The following GAA variants were observed in gnomAD, a reference collection of about 807,000 sequenced individuals.
GAA encodes alpha glucosidase.
In GAA, 88 loss-of-function variants were observed where a neutral mutation model predicts 103.9. The ratio of observed to expected loss-of-function variants is 0.85; its 90% CI spans 0.71 to 1.01. The LOEUF is 1.01. Among genes scored for constraint, GAA ranks in the 50% least tolerant of loss-of-function variants. The pLI, the probability that GAA is intolerant of heterozygous loss-of-function variation, is 0.00. For missense variants in GAA, 1,350 were observed against 1,305.3 expected, an observed-to-expected ratio of 1.03 and a Z score of -0.53; for synonymous variants, 572 against 563.1, an observed-to-expected ratio of 1.02 and a Z score of -0.22.
At chr17:80,113,067 C>A in intron 14 of GAA, 40 bp downstream of exon 14, 1 of 1,576,514 alleles carries the variant, frequency 6.3e-7, no homozygotes, top group East Asian at 2.3e-5. Flanking sequence ...GGCGATCCCA[C>A]CCACCCAAGA....
Position 80,101,689 on chromosome 17 carries a change from G to C in GAA, c.-234G>C, listed in dbSNP as rs1321385016. 1 of 152,164 alleles carries C rather than the reference G, an allele frequency of 6.6e-6. No individual in the cohort carries two copies. The highest frequency in any genetic ancestry group is 2.4e-5 in the African/African-American group (1 of 41,436). The allele number at this position is 152,164 out of a possible 1,614,324, so 9.4% of individuals were successfully genotyped here. A position where few individuals can be genotyped will look rare whatever the true frequency, so the allele number is the denominator to read the frequency against. Reference sequence around the variant, plus strand: ...GGCCGGGTCGGTGGGGCGGTCGGCTGCCCGCGCGGCCTCTCAGTTGGGAAA... The same window carrying C: ...GGCCGGGTCGGTGGGGCGGTCGGCTCCCCGCGCGGCCTCTCAGTTGGGAAA... On this transcript the variant is annotated 5_prime_UTR_variant, in exon 1 of 20. Transcript: ENST00000302262.
intron 2 of GAA, 115 bp downstream of exon 2, chr17:80,105,247 G>C: frequency 9.2e-7 from 1 of 1,084,510 alleles, no homozygotes; most frequent in Non-Finnish European, 1.3e-6. Flanking sequence ...CTGGGCCCTT[G>C]CTGGGAGCGG....
At chr17:80,106,221 T>A (rs2039083951) in intron 3 of GAA, among the ~76,000 whole-genome samples, 1 of 152,216 alleles carries the variant, frequency 6.6e-6, no homozygotes, top group Admixed American at 6.5e-5. Flanking sequence ...TTTCTTTTTT[T>A]GCTCATTCAT....
At position 80,118,764 on chromosome 17, in the gene GAA, G is replaced by T. The variant is rs375021198; in HGVS notation, c.2758G>T (p.Gly920Cys). The T allele has an allele frequency of 3.1e-6, 5 of 1,613,388 alleles. No individual in the cohort carries two copies. The highest frequency in any genetic ancestry group is 3.4e-6 in the Non-Finnish European group (4 of 1,180,038). ...ATAPQQVLSN[G>C]VPVSNFTYSP... is the part of the protein sequence containing the mutation. Reference sequence around the variant, plus strand: ...GGCGCCCCAGCAGGTCCTCTCCAACGGTGTCCCTGTCTCCAACTTCACCTA... The same window carrying T: ...GGCGCCCCAGCAGGTCCTCTCCAACTGTGTCCCTGTCTCCAACTTCACCTA... The change falls in exon 19 of 20, where the codon GGT (glycine) becomes TGT (cysteine). Residue 920 changes from glycine (G) to cysteine (C), a missense_variant. By Grantham distance (159) the Gly-to-Cys change is radical. Transcript: ENST00000302262.
chr17:80,107,537 G>A lies in GAA; in HGVS notation c.693-20G>A, dbSNP rs2039114713. ...TGGCCCCTTGGGTGTGAGCAAGCCT[G>A]GCTGGCCTCTGTCCCGCAGGCTGAA... On this transcript the variant is annotated intron_variant, in intron 3 of 19. Transcript: ENST00000302262. The A allele has an allele frequency of 1.9e-6, 3 of 1,612,818 alleles. No homozygotes were observed.
In GAA at chr17:80,117,908, G is replaced by T. The variant is rs2039393484; in HGVS notation, c.2481+159G>T. On this transcript the variant is annotated intron_variant, in intron 17 of 19. Transcript: ENST00000302262. ...GAGCCAGCCAGGCCAGTGAGGTGGG[G>T]AGGGCACAGCCCCACAAAGGCGTGG... 1.3e-5 allele frequency among the ~76,000 whole-genome samples: 2 copies of T among 152,188 alleles called. 1 individual carries two copies. The highest frequency in any genetic ancestry group is 4.1e-4 in the South Asian group (2 of 4,836).
intron 3 of GAA, among the ~76,000 whole-genome samples, chr17:80,107,077 G>C (rs1258032027): frequency 6.6e-6 from 1 of 152,190 alleles, no homozygotes; most frequent in African/African-American, 2.4e-5. Context: ...TTTATCTGCG[G>C]CTTTCATTTC....
At chr17:80,113,141 G>A in intron 14 of GAA, 77 bp from the exon 15 acceptor site, 1 of 1,540,346 alleles carries the variant, frequency 6.5e-7, no homozygotes, top group Non-Finnish European at 8.7e-7. Context: ...GAGAAGTGCA[G>A]CTCTCCCGAG....
At chr17:80,119,217 G>T (rs1208832149) in intron 19 of GAA, 55 bp from the exon 20 acceptor site, 14 of 1,543,552 alleles carry the variant, frequency 9.1e-6, no homozygotes, top group Non-Finnish European at 1.2e-5. Flanking sequence ...TGAGCGCTGG[G>T]GTCTCACTGC....
intron 9 of GAA, 84 bp from the exon 10 acceptor site, chr17:80,110,643 T>G (rs2039209807): frequency 8.3e-7 from 1 of 1,206,742 alleles, no homozygotes; most frequent in Non-Finnish European, 1.2e-6. Flanking sequence ...AGGCTGCCCC[T>G]CTGCTCAGGC....
Position 80,104,766 on chromosome 17 carries a change from C to G in GAA, c.180C>G (p.Ala60=), listed in dbSNP as rs2039031609. ...EETHPAHQQG[A]SRPGPRDAQA... ...CTCACCCAGCTCACCAGCAGGGAGC[C>G]AGCAGACCAGGGCCCCGGGATGCCC... The change falls in exon 2 of 20, where the codon GCC becomes GCG. Residue 60 remains alanine (A), a synonymous_variant. Coordinates refer to ENST00000302262, the MANE Select transcript of GAA (RefSeq NM_000152.5). This position sits in a 1 kb window ranked among gnomAD's most constrained non-coding sequence, Gnocchi z 4.0. 6.2e-7 allele frequency: 1 copy of G among 1,611,586 alleles called. No individual in the cohort carries two copies. Among genetic ancestry groups the G allele is most frequent in the East Asian group, 2.2e-5 (1 of 44,792 alleles).
chr17:80,118,555 T>C (rs2039411148), intron 18 of GAA, 98 bp from the exon 19 acceptor site: 2 of 1,486,190 alleles, frequency 1.3e-6, no homozygotes, highest in African/African-American at 2.8e-5. Context: ...ACCTCCCTGA[T>C]GCCATCATGA....
chr17:80,112,740 G>A lies in GAA; in HGVS notation c.1888+29G>A, dbSNP rs1461248849. On this transcript the variant is annotated intron_variant, in intron 13 of 19. Coordinates refer to ENST00000302262, the MANE Select transcript of GAA (RefSeq NM_000152.5). ...AGCTCCTACCAGGAGGGGCTGCTCA[G>A]CAGAGTAGAGCCGGGGGCCTCTATG... 6 of 1,593,896 alleles carry A rather than the reference G, an allele frequency of 3.8e-6. No individual in the cohort carries two copies. In the African/African-American group the frequency reaches 8.0e-5, roughly 21 times the overall value.
Position 80,108,505 on chromosome 17 carries a change from G to T in GAA, c.1092G>T (p.Pro364=). 2 of 1,613,106 alleles carry T rather than the reference G, an allele frequency of 1.2e-6. No homozygotes were observed. Among genetic ancestry groups the T allele is most frequent in the South Asian group, 1.1e-5 (1 of 91,084 alleles). The change falls in exon 7 of 20, where the codon CCG becomes CCT. Residue 364 remains proline (P), a synonymous_variant. Coordinates refer to ENST00000302262, the MANE Select transcript of GAA (RefSeq NM_000152.5). ...YLDVVGYPFM[P]PYWGLGFHLC... ...GGCCTGCAGGATACCCGTTCATGCC[G>T]CCATACTGGGGCCTGGGCTTCCACC...
chr17:80,105,716 T>C (rs2039066556), intron 2 of GAA, 33 bp from the exon 3 acceptor site: 1 of 1,610,148 alleles, frequency 6.2e-7, no homozygotes, highest in Non-Finnish European at 8.5e-7. Context: ...AAGGTGGCTG[T>C]GGGGAACATC....
rs760443056 is a variant in GAA, at chr17:80,104,625, GGCCGT to G, written c.40_44del (p.Ala14LeufsTer19). ...ACCCGCCCTGCTCCCACCGGCTCCT[GGCCGT>G]CTGCGCCCTCGTGTCCTTGGCAACC... On this transcript the variant is annotated frameshift_variant, in exon 2 of 20. Coordinates refer to ENST00000302262, the MANE Select transcript of GAA (RefSeq NM_000152.5). LOFTEE classifies it high-confidence loss of function. This position sits in a 1 kb window ranked among gnomAD's most constrained non-coding sequence, Gnocchi z 4.0. 6.2e-7 allele frequency: 1 copy of G among 1,612,902 alleles called. No homozygotes were observed. Among genetic ancestry groups the G allele is most frequent in the Non-Finnish European group, 8.5e-7 (1 of 1,179,952 alleles).
In GAA at chr17:80,113,036, G is replaced by C. The variant is rs1442494491; in HGVS notation, c.2040+9G>C. 1 of 1,606,660 alleles carries C rather than the reference G, an allele frequency of 6.2e-7. No homozygotes were observed. The highest frequency in any genetic ancestry group is 8.5e-7 in the Non-Finnish European group (1 of 1,177,646). On this transcript the variant is annotated intron_variant, in intron 14 of 19. Transcript: ENST00000302262. ...ACAGCCTGCTCAGTCTGGTAGGGTG[G>C]GGGTGGCGGCATGGCAGGTGGGCGA... is the stretch of plus-strand genomic sequence containing the variant.
In GAA at chr17:80,117,735, A is replaced by T. The variant is rs758038288; in HGVS notation, c.2467A>T (p.Ile823Phe). 2 of 1,610,278 alleles carry T rather than the reference A, an allele frequency of 1.2e-6. No homozygotes were observed. The highest frequency in any genetic ancestry group is 1.7e-6 in the Non-Finnish European group (2 of 1,179,156). The change falls in exon 17 of 20, where the codon ATC becomes TTC. Residue 823 changes from isoleucine (I) to phenylalanine (F), a missense_variant. By Grantham distance (21) the Ile-to-Phe change is conservative. Transcript: ENST00000302262. ...TINVHLRAGY[I>F]IPLQGPGLTT... ...CAACGTCCACCTCCGGGCTGGGTAC[A>T]TCATCCCCCTGCAGGTACCTGGGCC...
chr17:80,119,377 G>A lies in GAA; in HGVS notation c.*46G>A. On this transcript the variant is annotated 3_prime_UTR_variant, in exon 20 of 20. Transcript: ENST00000302262. Reference sequence around the variant, plus strand: ...TCTCCAGAGGGAGGCTGGTTCCCCAGGGAAGCAGAGCCTGTGTGCGGGCAG... The same window carrying A: ...TCTCCAGAGGGAGGCTGGTTCCCCAAGGAAGCAGAGCCTGTGTGCGGGCAG... 3 of 1,531,964 alleles carry A rather than the reference G, an allele frequency of 2.0e-6. No homozygotes were observed. Among genetic ancestry groups the A allele is most frequent in the Non-Finnish European group, 2.7e-6 (3 of 1,105,548 alleles). The allele number at this position is 1,531,964 out of a possible 1,614,324, so 94.9% of individuals were successfully genotyped here.
Sources: allele counts gnomAD v4.1 joint callset (sites outside exome capture counted in the v4.1 genomes callset), GRCh38; gene constraint gnomAD v4.1.1; non-coding constraint Gnocchi (gnomAD v3.1); transcripts MANE v1.5; gene names NCBI Gene and HGNC (gene_info 2026-07-23, HGNC 2026-07-21).